Variants in KCNH5 observed in about 807,000 individuals in gnomAD.
The protein encoded by KCNH5 is voltage-gated delayed rectifier potassium channel KCNH5.
A neutral mutation model predicts 96.1 loss-of-function variants in KCNH5; 46 were observed. The ratio of observed to expected loss-of-function variants is 0.48; its 90% CI spans 0.38 to 0.61. The LOEUF is 0.61. Among genes scored for constraint, KCNH5 ranks in the 20% least tolerant of loss-of-function variants. The pLI is 0.00. For synonymous variants in KCNH5, 439 were observed against 449.8 expected (o/e 0.98, Z 0.30); for missense variants, 907 against 1,225.8 (o/e 0.74, Z 3.88).
At chr14:62,772,053 T>C (rs1013656871) in intron 10 of KCNH5, among the ~76,000 whole-genome samples, 3 of 152,194 alleles carry the variant, frequency 2.0e-5, no homozygotes, top group Non-Finnish European at 4.4e-5. Context: ...TTCTTTTGCA[T>C]TTTTGGAATT....
intron 7 of KCNH5, among the ~76,000 whole-genome samples, chr14:62,924,627 T>A (rs12881682): frequency 0.55 from 82,838 of 151,730 alleles, 23,416 homozygotes; most frequent in African/African-American, 0.68. Flanking sequence ...TAAGTATTAT[T>A]AAGCCTTGAA....
chr14:62,968,682 T>C (rs1890349453), intron 6 of KCNH5, among the ~76,000 whole-genome samples: 1 of 152,182 alleles, frequency 6.6e-6, no homozygotes, highest in Non-Finnish European at 1.5e-5. Flanking sequence ...AAAGCATGTA[T>C]AGTTAGGAAA....
chr14:62,978,766 A>G (rs989970498), intron 6 of KCNH5, among the ~76,000 whole-genome samples: 5 of 152,092 alleles, frequency 3.3e-5, no homozygotes, highest in Non-Finnish European at 5.9e-5. Flanking sequence ...ATACTAATCA[A>G]GCCAATCTTT....
intron 9 of KCNH5, among the ~76,000 whole-genome samples, chr14:62,790,529 T>C (rs1171024542): frequency 6.6e-6 from 1 of 151,744 alleles, no homozygotes; most frequent in African/African-American, 2.4e-5. Flanking sequence ...TTATAACCCA[T>C]GAACATAGGA....
chr14:63,041,872 G>A (rs1331702885), intron 1 of KCNH5, among the ~76,000 whole-genome samples: 1 of 152,092 alleles, frequency 6.6e-6, no homozygotes, highest in East Asian at 1.9e-4. Flanking sequence ...TGCCACTCTG[G>A]AGTACAGAAT....
intron 7 of KCNH5, among the ~76,000 whole-genome samples, chr14:62,911,845 GC>G (rs1255385403): frequency 6.6e-6 from 1 of 151,532 alleles, no homozygotes; most frequent in African/African-American, 2.4e-5. Context: ...GACAAGCCTG[GC>G]CAACATAGTA....
intron 7 of KCNH5, among the ~76,000 whole-genome samples, chr14:62,854,649 T>C (rs566184355): frequency 6.6e-6 from 1 of 151,948 alleles, no homozygotes; most frequent in Non-Finnish European, 1.5e-5. Flanking sequence ...TAGTAATAAT[T>C]AGGTTAATTT....
intron 6 of KCNH5, among the ~76,000 whole-genome samples, chr14:62,970,397 T>C (rs976839654): frequency 6.6e-6 from 1 of 152,142 alleles, no homozygotes; most frequent in Non-Finnish European, 1.5e-5. Flanking sequence ...CAAGTGAAAT[T>C]TATCAAACAT....
intron 7 of KCNH5, among the ~76,000 whole-genome samples, chr14:62,900,960 A>G (rs1246336324): frequency 6.6e-6 from 1 of 152,130 alleles, no homozygotes; most frequent in Non-Finnish European, 1.5e-5. Context: ...ACAGGATAGT[A>G]TACATGAAAT....
chr14:62,808,713 A>G (rs1473543951), intron 8 of KCNH5, among the ~76,000 whole-genome samples: 1 of 152,104 alleles, frequency 6.6e-6, no homozygotes, highest in Non-Finnish European at 1.5e-5. Context: ...TAATTCTAAT[A>G]TGACTTAGTG....
chr14:62,897,367 T>C (rs1488657389), intron 7 of KCNH5, among the ~76,000 whole-genome samples: 2 of 152,154 alleles, frequency 1.3e-5, no homozygotes, highest in Non-Finnish European at 2.9e-5. Context: ...TTCAAGCTAT[T>C]CTTAGGTCAG....
chr14:63,044,863 C>T (rs906646563), intron 1 of KCNH5, among the ~76,000 whole-genome samples: 14 of 152,180 alleles, frequency 9.2e-5, no homozygotes. Context: ...CCTTTCTTTC[C>T]TCCAGTTCTG....
At chr14:62,970,725 C>T (rs1456720472) in intron 6 of KCNH5, among the ~76,000 whole-genome samples, 1 of 152,062 alleles carries the variant, frequency 6.6e-6, no homozygotes, top group Non-Finnish European at 1.5e-5. Context: ...TAATCCATAA[C>T]ATCAACAAGC....
At chr14:62,791,249 A>G (rs1427683002) in intron 9 of KCNH5, among the ~76,000 whole-genome samples, 1 of 151,796 alleles carries the variant, frequency 6.6e-6, no homozygotes, top group Non-Finnish European at 1.5e-5. Flanking sequence ...TTCCATTACT[A>G]TAGTAGCAGT....
intron 7 of KCNH5, among the ~76,000 whole-genome samples, chr14:62,901,135 T>A (rs1170121490): frequency 6.6e-6 from 1 of 152,148 alleles, no homozygotes; most frequent in African/African-American, 2.4e-5. Flanking sequence ...ATTACAAGCA[T>A]GAGCCACTGT....
intron 2 of KCNH5, among the ~76,000 whole-genome samples, chr14:63,011,220 C>A (rs546025787): frequency 6.6e-6 from 1 of 152,100 alleles, no homozygotes; most frequent in Non-Finnish European, 1.5e-5. Context: ...CAGTGGCTCA[C>A]GCCTGTAATC....
chr14:62,919,126 A>G (rs1889332693), intron 7 of KCNH5, among the ~76,000 whole-genome samples: 1 of 152,116 alleles, frequency 6.6e-6, no homozygotes, highest in Admixed American at 6.6e-5. Context: ...TTTCATACAT[A>G]AAAATGCTAT....
At chr14:63,017,435 T>A (rs1397045076) in intron 1 of KCNH5, among the ~76,000 whole-genome samples, 4 of 151,920 alleles carry the variant, frequency 2.6e-5, no homozygotes, top group Non-Finnish European at 5.9e-5. Flanking sequence ...TCCATTAGAC[T>A]AATCTTGAAA....
chr14:62,946,515 T>G (rs1025885594), intron 7 of KCNH5, among the ~76,000 whole-genome samples: 2 of 121,254 alleles, frequency 1.6e-5, no homozygotes, highest in African/African-American at 4.7e-5. Flanking sequence ...TTTTGTGTGG[T>G]TTTTTTTTTT....
Sources: allele counts gnomAD v4.1 joint callset (sites outside exome capture counted in the v4.1 genomes callset), GRCh38; gene constraint gnomAD v4.1.1; transcripts MANE v1.5; gene names NCBI Gene and HGNC (gene_info 2026-07-23, HGNC 2026-07-21).